The following IL1RAPL1 variants were observed in gnomAD, a reference collection of about 807,000 sequenced individuals.
IL1RAPL1 encodes the protein interleukin 1 receptor accessory protein like 1, also known as interleukin-1 receptor accessory protein-like 1.
A neutral mutation model predicts 48.4 loss-of-function variants in IL1RAPL1; 3 were observed. That is an observed-to-expected ratio of 0.06 (90% CI 0.03 to 0.16). The LOEUF (loss-of-function observed/expected upper bound fraction) is 0.16, where lower values mean the gene tolerates loss of function less well. IL1RAPL1 is among the 10% of genes least tolerant of loss of function. The pLI, the probability that IL1RAPL1 is intolerant of heterozygous loss-of-function variation, is 1.00. For synonymous variants in IL1RAPL1, 185 were observed against 187.7 expected, an observed-to-expected ratio of 0.99 and a Z score of 0.12; for missense variants, 349 against 530.6, an observed-to-expected ratio of 0.66 and a Z score of 3.36.
intron 5 of IL1RAPL1, among the ~76,000 whole-genome samples, chrX:29,557,718 T>C (rs1922049331): frequency 9.0e-6 from 1 of 111,679 alleles, no homozygotes; most frequent in Admixed American, 9.5e-5. Flanking sequence ...TACTTTCTGC[T>C]CTTAGGAGTT....
intron 2 of IL1RAPL1, among the ~76,000 whole-genome samples, chrX:29,026,509 C>T (rs1926489565): frequency 9.0e-6 from 1 of 111,126 alleles, no homozygotes; most frequent in African/African-American, 3.3e-5. Flanking sequence ...GTGCAGCAAA[C>T]CACCATGGCA....
intron 2 of IL1RAPL1, among the ~76,000 whole-genome samples, chrX:28,984,083 T>C (rs1925407111): frequency 8.9e-6 from 1 of 111,944 alleles, no homozygotes; most frequent in Admixed American, 9.5e-5. Context: ...AGAGCAGTGC[T>C]ATTCAATAGA....
intron 3 of IL1RAPL1, among the ~76,000 whole-genome samples, chrX:29,385,099 A>G (rs1467414137): frequency 1.8e-5 from 2 of 112,067 alleles, no homozygotes; most frequent in African/African-American, 6.5e-5. Context: ...CAGTAATTAC[A>G]TTCAGAGTGT....
intron 5 of IL1RAPL1, among the ~76,000 whole-genome samples, chrX:29,613,008 T>C (rs764560236): frequency 6.2e-5 from 7 of 112,130 alleles, no homozygotes; most frequent in African/African-American, 1.3e-4. Flanking sequence ...ATTCACCACA[T>C]ACTTTTGTTA....
intron 5 of IL1RAPL1, among the ~76,000 whole-genome samples, chrX:29,632,553 T>A: frequency 8.9e-6 from 1 of 112,029 alleles, no homozygotes. Flanking sequence ...AAATGTTTTA[T>A]GTTCATAAGA....
intron 8 of IL1RAPL1, among the ~76,000 whole-genome samples, chrX:29,929,857 C>T (rs1932926520): frequency 9.0e-6 from 1 of 111,533 alleles, no homozygotes; most frequent in Non-Finnish European, 1.9e-5. Flanking sequence ...CTCACAACTG[C>T]TTGGGTCCAT....
chrX:28,611,229 A>C (rs563884029), intron 1 of IL1RAPL1, among the ~76,000 whole-genome samples: 24 of 112,050 alleles, frequency 2.1e-4, no homozygotes, highest in Non-Finnish European at 4.1e-4. Flanking sequence ...AGAGGAAGTT[A>C]AGTTCAGTTC....
At chrX:28,732,281 CAG>C (rs1324665165) in intron 1 of IL1RAPL1, among the ~76,000 whole-genome samples, 2 of 111,836 alleles carry the variant, frequency 1.8e-5, no homozygotes, top group Non-Finnish European at 3.8e-5. Flanking sequence ...ATTTTTTTAG[CAG>C]AGTTGTTCAT....
chrX:29,909,881 T>A (rs1932729860), intron 6 of IL1RAPL1, among the ~76,000 whole-genome samples: 1 of 111,651 alleles, frequency 9.0e-6, no homozygotes, highest in African/African-American at 3.3e-5. Flanking sequence ...AGAGCTACCA[T>A]TGGACCCAGC....
chrX:29,332,095 CTTTTTTTT>C (rs72360733), intron 3 of IL1RAPL1, among the ~76,000 whole-genome samples: 24 of 27,889 alleles, frequency 8.6e-4, no homozygotes, highest in African/African-American at 1.6e-3. Context: ...ATTCTAAGGT[CTTTTTTTT>C]TTTTTTTTTT....
chrX:29,952,897 CTG>C (rs1324189976), intron 9 of IL1RAPL1, among the ~76,000 whole-genome samples: 1 of 111,308 alleles, frequency 9.0e-6, no homozygotes, highest in African/African-American at 3.3e-5. Flanking sequence ...CCTTATATAC[CTG>C]TGTTAACTTT....
At position 28,694,354 on chromosome X, in the gene IL1RAPL1, C is replaced by T. The variant is rs772636645; in HGVS notation, c.-24-94966C>T. On this transcript the variant is annotated intron_variant, in intron 1 of 10. Coordinates refer to ENST00000378993, the MANE Select transcript of IL1RAPL1 (RefSeq NM_014271.4). ...TAGGTATTCTAATTTCGTAAATTAA[C>T]CATCATTCTTGTTTTATTCCACTGG... Among the ~76,000 whole-genome samples, 4 of 112,028 alleles carry T rather than the reference C, an allele frequency of 3.6e-5. No individual in the cohort carries two copies. The South Asian group carries it at 1.5e-3, about 41-fold the overall frequency.
chrX:29,170,969 T>C (rs926742332), intron 2 of IL1RAPL1, among the ~76,000 whole-genome samples: 1 of 111,175 alleles, frequency 9.0e-6, no homozygotes, highest in African/African-American at 3.3e-5. Context: ...TTTCTGTTAC[T>C]GAATGTTGCA....
chrX:28,789,515 G>T, intron 2 of IL1RAPL1, 90 bp downstream of exon 2: 1 of 644,045 alleles, frequency 1.6e-6, no homozygotes, highest in Non-Finnish European at 2.6e-6. Context: ...GAAAAGTTGA[G>T]AATGATCAGT....
At chrX:29,441,835 A>G (rs193098379) in intron 5 of IL1RAPL1, among the ~76,000 whole-genome samples, 1 of 112,129 alleles carries the variant, frequency 8.9e-6, no homozygotes, top group Non-Finnish European at 1.9e-5. Context: ...AGCATTTTAT[A>G]TATTTTTAAC....
At chrX:28,937,882 C>T (rs1159284259) in intron 2 of IL1RAPL1, among the ~76,000 whole-genome samples, 1 of 111,094 alleles carries the variant, frequency 9.0e-6, no homozygotes, top group Non-Finnish European at 1.9e-5. Context: ...AACAGCCCAG[C>T]TGAGAGCCAA....
intron 6 of IL1RAPL1, among the ~76,000 whole-genome samples, chrX:29,887,201 T>TTAGAG (rs1932184436): frequency 8.9e-6 from 1 of 112,208 alleles, no homozygotes; most frequent in Admixed American, 9.4e-5. Flanking sequence ...AGAAAAAATA[T>TTAGAG]TAGAGTAAAA....
intron 6 of IL1RAPL1, among the ~76,000 whole-genome samples, chrX:29,737,891 A>G (rs1188129376): frequency 8.9e-6 from 1 of 112,194 alleles, no homozygotes; most frequent in East Asian, 2.8e-4. Context: ...TGGCTAGAAA[A>G]TTTCAGCTAC....
chrX:29,096,359 A>G (rs1198907284), intron 2 of IL1RAPL1, among the ~76,000 whole-genome samples: 2 of 112,229 alleles, frequency 1.8e-5, no homozygotes, highest in Non-Finnish European at 1.9e-5. Flanking sequence ...CTATACAATT[A>G]GTCTATGTAT....
Sources: gnomAD v4.1 joint callset for allele counts (sites outside exome capture counted in the v4.1 genomes callset) on GRCh38, gnomAD v4.1.1 for gene constraint, MANE v1.5 for transcripts, NCBI Gene and HGNC (gene_info 2026-07-23, HGNC 2026-07-21) for gene names.